Variants in ZNF277 observed in about 807,000 individuals in gnomAD.
ZNF277 encodes the protein nuclear receptor-interacting factor 4.
Under a neutral mutation model 60.7 loss-of-function variants are expected in ZNF277, and 55 were observed. That is an observed-to-expected ratio of 0.91 (90% CI 0.73 to 1.13). The LOEUF is 1.13. Ranked by LOEUF, ZNF277 falls within the 50% of genes most tolerant of loss-of-function variation. ZNF277 has a pLI of 0.00. For synonymous variants in ZNF277, 178 were observed against 179.3 expected, an observed-to-expected ratio of 0.99 and a Z score of 0.06; for missense variants, 510 against 523.0, an observed-to-expected ratio of 0.98 and a Z score of 0.24.
intron 1 of ZNF277, among the ~76,000 whole-genome samples, chr7:112,272,772 G>C (rs1444666565): frequency 2.0e-5 from 3 of 152,116 alleles, no homozygotes; most frequent in Non-Finnish European, 1.5e-5. Context: ...GGGATAACAG[G>C]CGTGAGCCAC....
At chr7:112,273,978 TATTA>T (rs1274147997) in intron 1 of ZNF277, among the ~76,000 whole-genome samples, 1 of 151,872 alleles carries the variant, frequency 6.6e-6, no homozygotes, top group African/African-American at 2.4e-5. Context: ...AAAGACAATT[TATTA>T]GTTTTCATTT....
At chr7:112,281,171 C>G (rs1454558131) in intron 1 of ZNF277, among the ~76,000 whole-genome samples, 10 of 152,190 alleles carry the variant, frequency 6.6e-5, no homozygotes, top group Admixed American at 6.5e-4. Flanking sequence ...ATTCACAATC[C>G]TCGTGTGATC....
intron 7 of ZNF277, 47 bp downstream of exon 7, chr7:112,330,263 A>G: frequency 1.3e-6 from 2 of 1,587,150 alleles, no homozygotes; most frequent in Non-Finnish European, 1.7e-6. Context: ...AGTACTGCAA[A>G]CAAAATCTTT....
chr7:112,213,107 G>A (rs1329364954), intron 1 of ZNF277, among the ~76,000 whole-genome samples: 1 of 152,148 alleles, frequency 6.6e-6, no homozygotes, highest in African/African-American at 2.4e-5. Context: ...CATAGGGGCA[G>A]GTCTTTCCTG....
chr7:112,283,937 C>T (rs189956735), intron 1 of ZNF277, among the ~76,000 whole-genome samples: 11 of 152,244 alleles, frequency 7.2e-5, no homozygotes, highest in African/African-American at 2.4e-4. Context: ...ATATATATAA[C>T]TTCACAGCAC....
intron 1 of ZNF277, among the ~76,000 whole-genome samples, chr7:112,254,138 G>A (rs1791254308): frequency 1.3e-5 from 2 of 152,196 alleles, no homozygotes; most frequent in African/African-American, 2.4e-5. Flanking sequence ...TGTCTAACTA[G>A]CATTGAATCT....
intron 1 of ZNF277, among the ~76,000 whole-genome samples, chr7:112,285,426 A>T (rs113807680): frequency 4.8e-5 from 7 of 145,566 alleles, no homozygotes; most frequent in Non-Finnish European, 7.4e-5. Flanking sequence ...AGAAAAAAAA[A>T]ATAGGAAATT....
At position 112,336,505 on chromosome 7, in the gene ZNF277, G is replaced by A. The variant is rs190277902; in HGVS notation, c.869+334G>A. ...TGATCTTTGAACTCTCCATGTTGCT[G>A]TCATTGGAATAGAGAATATAACTGC... On this transcript the variant is annotated intron_variant, in intron 8 of 11. Transcript: ENST00000361822. Among the ~76,000 whole-genome samples, 232 of 152,244 alleles carry A rather than the reference G, an allele frequency of 1.5e-3. 1 individual carries two copies. Among genetic ancestry groups the A allele is most frequent in the African/African-American group, 5.3e-3 (219 of 41,552 alleles).
chr7:112,265,819 G>C (rs562768888), intron 1 of ZNF277, among the ~76,000 whole-genome samples: 2 of 152,022 alleles, frequency 1.3e-5, no homozygotes, highest in South Asian at 2.1e-4. Flanking sequence ...ACACTATAAG[G>C]GTTAGTCAAA....
chr7:112,253,229 A>G (rs1460858125), intron 1 of ZNF277, among the ~76,000 whole-genome samples: 1 of 152,184 alleles, frequency 6.6e-6, no homozygotes, highest in African/African-American at 2.4e-5. Context: ...AAATATAATA[A>G]TTTAAGAATT....
chr7:112,208,029 A>G (rs1241624381), intron 1 of ZNF277, among the ~76,000 whole-genome samples: 1 of 152,198 alleles, frequency 6.6e-6, no homozygotes, highest in Admixed American at 6.5e-5. Context: ...TCAAAGTTCC[A>G]GAGGGCTACC....
intron 5 of ZNF277, among the ~76,000 whole-genome samples, chr7:112,320,080 T>C (rs1471076809): frequency 2.6e-5 from 4 of 152,150 alleles, no homozygotes; most frequent in Non-Finnish European, 4.4e-5. Context: ...ATTTTTGTTT[T>C]CTATAAAGTT....
chr7:112,228,248 G>A (rs1392275915), intron 1 of ZNF277, among the ~76,000 whole-genome samples: 1 of 151,918 alleles, frequency 6.6e-6, no homozygotes, highest in African/African-American at 2.4e-5. Context: ...ATGCTCTCAA[G>A]ATCCTTACTT....
chr7:112,296,951 G>T (rs1342507020), intron 4 of ZNF277, among the ~76,000 whole-genome samples: 1 of 27,192 alleles, frequency 3.7e-5, no homozygotes, highest in African/African-American at 8.6e-5. Context: ...TTTTTGAGAT[G>T]GAGTCTCGCT....
intron 2 of ZNF277, 89 bp from the exon 3 acceptor site, chr7:112,295,780 A>C (rs1231359985): frequency 1.5e-5 from 15 of 999,102 alleles, no homozygotes; most frequent in Non-Finnish European, 2.1e-5. Flanking sequence ...TTGCTTTGGG[A>C]TGAGTGAATG....
rs1476408881 is a variant in ZNF277 at position 112,295,856 on chromosome 7, A to G, written c.294-13A>G. On this transcript the variant is annotated splice_polypyrimidine_tract_variant and intron_variant, in intron 2 of 11. Transcript: ENST00000361822. Reference sequence around the variant, plus strand: ...GAATCTTCTCATCGTTCCTTATTTTATGTTGTTCTAAGGTACATTTTATAT... The same window carrying G: ...GAATCTTCTCATCGTTCCTTATTTTGTGTTGTTCTAAGGTACATTTTATAT... 1 of 1,596,872 alleles carries G rather than the reference A, an allele frequency of 6.3e-7. No homozygotes were observed. The highest frequency in any genetic ancestry group is 1.3e-5 in the African/African-American group (1 of 74,594).
chr7:112,228,085 C>T (rs1348426392), intron 1 of ZNF277, among the ~76,000 whole-genome samples: 1 of 152,038 alleles, frequency 6.6e-6, no homozygotes, highest in African/African-American at 2.4e-5. Context: ...CTTTCCTCTT[C>T]CAGCTTCTGG....
At chr7:112,212,038 G>A (rs887388196) in intron 1 of ZNF277, among the ~76,000 whole-genome samples, 1 of 152,160 alleles carries the variant, frequency 6.6e-6, no homozygotes, top group African/African-American at 2.4e-5. Context: ...GCTTGTGAAA[G>A]GTATGCATAC....
intron 1 of ZNF277, among the ~76,000 whole-genome samples, chr7:112,275,368 G>C (rs1446982290): frequency 6.6e-6 from 1 of 152,126 alleles, no homozygotes; most frequent in Non-Finnish European, 1.5e-5. Flanking sequence ...CACAGTAAAA[G>C]CAGTAGAGAA....
Sources: gnomAD v4.1 joint callset for allele counts (sites outside exome capture counted in the v4.1 genomes callset) on GRCh38, gnomAD v4.1.1 for gene constraint, MANE v1.5 for transcripts, NCBI Gene and HGNC (gene_info 2026-07-23, HGNC 2026-07-21) for gene names.